Variants in ZHX2 observed in about 807,000 individuals in gnomAD.
The protein encoded by ZHX2 is zinc fingers and homeoboxes 2.
In ZHX2, 6 loss-of-function variants were observed where a neutral mutation model predicts 21.9. The ratio of observed to expected loss-of-function variants is 0.27; its 90% CI spans 0.15 to 0.54. ZHX2 has a LOEUF of 0.54. ZHX2 is among the 20% of genes least tolerant of loss of function. The probability of loss-of-function intolerance (pLI) is 0.95; values close to 1 mark genes in which losing one functional copy is unlikely to be tolerated. For synonymous variants in ZHX2, 434 were observed against 437.1 expected, an observed-to-expected ratio of 0.99 and a Z score of 0.09; for missense variants, 908 against 1,090.7, an observed-to-expected ratio of 0.83 and a Z score of 2.36.
At chr8:122,949,263 C>T (rs1213041169) in intron 2 of ZHX2, among the ~76,000 whole-genome samples, 3 of 151,860 alleles carry the variant, frequency 2.0e-5, no homozygotes, top group Admixed American at 6.6e-5. Context: ...GCAGAGATTG[C>T]GGTAAGCCAA....
intron 2 of ZHX2, among the ~76,000 whole-genome samples, chr8:122,884,322 C>T (rs1408790601): frequency 6.6e-6 from 1 of 152,190 alleles, no homozygotes; most frequent in Non-Finnish European, 1.5e-5. Flanking sequence ...CCTACTGTTT[C>T]TCACTGATAA....
At chr8:122,789,945 G>A (rs1817478833) in intron 1 of ZHX2, among the ~76,000 whole-genome samples, 1 of 152,176 alleles carries the variant, frequency 6.6e-6, no homozygotes, top group Admixed American at 6.5e-5. Context: ...CAAGAACCAG[G>A]GCTCTTGGGC....
intron 1 of ZHX2, among the ~76,000 whole-genome samples, chr8:122,831,051 C>T (rs972933578): frequency 6.6e-6 from 1 of 152,054 alleles, no homozygotes. Flanking sequence ...AAGGCGGGCC[C>T]GTTACCAGAG....
intron 2 of ZHX2, among the ~76,000 whole-genome samples, chr8:122,913,807 G>T (rs1197111128): frequency 6.6e-6 from 1 of 152,102 alleles, no homozygotes; most frequent in East Asian, 1.9e-4. Context: ...CCCCTTACTT[G>T]GTCCTCTCTT....
At position 122,945,436 on chromosome 8, in the gene ZHX2, C is replaced by CAAAAAAAAAAAAAAAAAA. The variant is rs60890533; in HGVS notation, c.-219-5846_-219-5829dup. ...CTCTTTTATATAAACCCTGTCTCTG[C>CAAAAAAAAAAAAAAAAAA]AAAAAAAAAAAAAAAAAAAAAAAAA... On this transcript the variant is annotated intron_variant, in intron 2 of 3. Coordinates refer to ENST00000314393, the MANE Select transcript of ZHX2 (RefSeq NM_014943.5). Among the ~76,000 whole-genome samples the CAAAAAAAAAAAAAAAAAA allele has an allele frequency of 3.0e-4, 22 of 73,672 alleles. 2 individuals are homozygous for CAAAAAAAAAAAAAAAAAA. The highest frequency in any genetic ancestry group is 1.1e-3 in the Admixed American group (7 of 6,520). 48.3% of individuals were successfully genotyped at this position (73,672 alleles called of 152,430 possible). A position where few individuals can be genotyped will look rare whatever the true frequency, so the allele number is the denominator to read the frequency against.
intron 1 of ZHX2, among the ~76,000 whole-genome samples, chr8:122,785,788 G>C (rs564685822): frequency 6.6e-6 from 1 of 152,322 alleles, no homozygotes; most frequent in Admixed American, 6.5e-5. Flanking sequence ...GGGAGGTGGA[G>C]AGGGGGATGC....
intron 2 of ZHX2, among the ~76,000 whole-genome samples, chr8:122,870,496 G>T (rs990838122): frequency 5.3e-5 from 8 of 151,688 alleles, no homozygotes; most frequent in African/African-American, 7.3e-5. Context: ...AAAAATAGCT[G>T]GGCGTAGTGA....
At position 122,794,314 on chromosome 8, in the gene ZHX2, T is replaced by C. The variant is rs1176738102; in HGVS notation, c.-283+12368T>C. On this transcript the variant is annotated intron_variant, in intron 1 of 3. Coordinates refer to ENST00000314393, the MANE Select transcript of ZHX2 (RefSeq NM_014943.5). ...AACAAGAGGGAAGGAAGAAGTCTTATTGGAAGGAATACATGTTGTGTCATC... is the reference window on the plus strand; with the variant it reads ...AACAAGAGGGAAGGAAGAAGTCTTACTGGAAGGAATACATGTTGTGTCATC... 2.6e-5 allele frequency among the ~76,000 whole-genome samples: 4 copies of C among 152,164 alleles called. 1 individual carries two copies. In the South Asian group the frequency reaches 6.2e-4, roughly 24 times the overall value.
chr8:122,837,810 A>G (rs988276192), intron 1 of ZHX2, among the ~76,000 whole-genome samples: 1 of 152,186 alleles, frequency 6.6e-6, no homozygotes, highest in African/African-American at 2.4e-5. Context: ...TCGGTGCTTA[A>G]TGGCTTTTAG....
At chr8:122,945,200 G>A (rs2130236810) in intron 2 of ZHX2, among the ~76,000 whole-genome samples, 1 of 152,240 alleles carries the variant, frequency 6.6e-6, no homozygotes, top group African/African-American at 2.4e-5. Flanking sequence ...ACTCCTTGAG[G>A]ACAGAGCTGT....
chr8:122,836,796 CT>C (rs1818510454), intron 1 of ZHX2, among the ~76,000 whole-genome samples: 1 of 152,218 alleles, frequency 6.6e-6, no homozygotes, highest in Non-Finnish European at 1.5e-5. Context: ...AGGCTTGCGC[CT>C]TGGTACTGGG....
chr8:122,878,407 A>G (rs1349711399), intron 2 of ZHX2, among the ~76,000 whole-genome samples: 1 of 152,122 alleles, frequency 6.6e-6, no homozygotes, highest in East Asian at 1.9e-4. Flanking sequence ...TGCTAATCTC[A>G]GCTGGAGTCA....
At chr8:122,908,095 A>T (rs1820388469) in intron 2 of ZHX2, among the ~76,000 whole-genome samples, 1 of 152,164 alleles carries the variant, frequency 6.6e-6, no homozygotes, top group South Asian at 2.1e-4. Flanking sequence ...ATGAAATTGG[A>T]ATGACAATCC....
At chr8:122,855,760 T>A (rs569409250) in intron 1 of ZHX2, among the ~76,000 whole-genome samples, 2 of 152,268 alleles carry the variant, frequency 1.3e-5, no homozygotes, top group Admixed American at 1.3e-4. Context: ...AAACATTTAA[T>A]AAAGGGTTTG....
chr8:122,830,642 G>C (rs770433431), intron 1 of ZHX2, among the ~76,000 whole-genome samples: 1 of 152,198 alleles, frequency 6.6e-6, no homozygotes, highest in African/African-American at 2.4e-5. Flanking sequence ...GTGCCTGCAA[G>C]ACAGTTATGT....
chr8:122,853,868 C>T (rs1477846889), intron 1 of ZHX2, among the ~76,000 whole-genome samples: 1 of 152,130 alleles, frequency 6.6e-6, no homozygotes, highest in Non-Finnish European at 1.5e-5. Flanking sequence ...GAATGTTGAA[C>T]AGTGAGGAAC....
intron 1 of ZHX2, among the ~76,000 whole-genome samples, chr8:122,821,329 G>A (rs1323524604): frequency 6.6e-6 from 1 of 152,158 alleles, no homozygotes; most frequent in Non-Finnish European, 1.5e-5. Flanking sequence ...CTTGTTGGGG[G>A]CTGGGCCAGC....
chr8:122,785,101 G>T lies in ZHX2; in HGVS notation c.-283+3155G>T, dbSNP rs112722548. On this transcript the variant is annotated intron_variant, in intron 1 of 3. Transcript: ENST00000314393. ...TATGATTGAGAAAACTAACCACTGT[G>T]GAAGCACAAGGAAAGGCATGATTCT... 7.0e-3 allele frequency among the ~76,000 whole-genome samples: 1,072 copies of T among 152,346 alleles called. 19 individuals carry two copies. Among genetic ancestry groups the T allele is most frequent in the African/African-American group, 0.025 (1,034 of 41,560 alleles).
At chr8:122,788,914 C>T (rs1817456096) in intron 1 of ZHX2, among the ~76,000 whole-genome samples, 1 of 152,224 alleles carries the variant, frequency 6.6e-6, no homozygotes, top group African/African-American at 2.4e-5. Context: ...TTATCTACAG[C>T]TCCCCCAAAC....
Sources: gnomAD v4.1 joint callset for allele counts (sites outside exome capture counted in the v4.1 genomes callset) on GRCh38, gnomAD v4.1.1 for gene constraint, MANE v1.5 for transcripts, NCBI Gene and HGNC (gene_info 2026-07-23, HGNC 2026-07-21) for gene names.